The following MIDEAS variants were observed in gnomAD, a reference collection of about 807,000 sequenced individuals.
MIDEAS encodes the protein mitotic deacetylase-associated SANT domain protein.
A neutral mutation model predicts 102.7 loss-of-function variants in MIDEAS; 26 were observed. That is an observed-to-expected ratio of 0.25 (90% CI 0.19 to 0.35). The LOEUF is 0.35. Ranked by LOEUF, MIDEAS falls within the 10% of genes least tolerant of loss-of-function variation. The probability of loss-of-function intolerance (pLI) is 1.00; values close to 1 mark genes in which losing one functional copy is unlikely to be tolerated. For synonymous variants in MIDEAS, 585 were observed against 591.0 expected (o/e 0.99, Z 0.15); for missense variants, 1,231 against 1,435.6 (o/e 0.86, Z 2.30).
chr14:73,780,426 A>G (rs1430433782), intron 1 of MIDEAS, among the ~76,000 whole-genome samples: 2 of 152,242 alleles, frequency 1.3e-5, no homozygotes, highest in East Asian at 3.8e-4. Context: ...AAGTGGCCAT[A>G]GCCGTAACAG....
intron 1 of MIDEAS, among the ~76,000 whole-genome samples, chr14:73,752,808 T>A (rs2053436920): frequency 6.6e-6 from 1 of 152,196 alleles, no homozygotes; most frequent in African/African-American, 2.4e-5. Context: ...CTATGTTGAT[T>A]TATTCTTTAT....
At chr14:73,753,929 C>G in intron 1 of MIDEAS, among the ~76,000 whole-genome samples, 1 of 147,030 alleles carries the variant, frequency 6.8e-6, no homozygotes. Flanking sequence ...AAGGATGAGC[C>G]GCCACCTCCT....
chr14:73,769,740 T>G (rs2053624997), intron 1 of MIDEAS, among the ~76,000 whole-genome samples: 1 of 152,090 alleles, frequency 6.6e-6, no homozygotes, highest in Non-Finnish European at 1.5e-5. Flanking sequence ...TAACTGGGAC[T>G]GTAGGCACGC....
upstream of MIDEAS, chr14:73,790,283 C>G (rs1163792099): frequency 2.0e-5 from 3 of 152,172 alleles, no homozygotes; most frequent in Non-Finnish European, 4.4e-5. Flanking sequence ...CAGGAATCTA[C>G]TTGTGATTGC....
At chr14:73,774,937 G>C (rs1168483620) in intron 1 of MIDEAS, among the ~76,000 whole-genome samples, 1 of 152,050 alleles carries the variant, frequency 6.6e-6, no homozygotes, top group Admixed American at 6.6e-5. Context: ...AGGTGGTGGG[G>C]AGCCAGGCAC....
rs1478024545 is a variant in MIDEAS at position 73,729,974 on chromosome 14, C to A, written c.1761G>T (p.Met587Ile). 6.2e-7 allele frequency: 1 copy of A among 1,601,820 alleles called. No homozygotes were observed. The highest frequency in any genetic ancestry group is 1.1e-5 in the South Asian group (1 of 90,076). ...AAGGCTCCCCCTCCAACTTGACATT[C>A]ATGTCCTCTGCCTGGAGAAGGAAAG... ...GTDAQAQAED[M>I]NVKLEGEPSV... is the part of the protein sequence containing the mutation. Residue 587 changes from methionine (M) to isoleucine (I), a missense_variant, in exon 4 of 13, where the codon ATG becomes ATT. Met to Ile is a conservative substitution (Grantham distance 10). Transcript: ENST00000423556.
intron 1 of MIDEAS, among the ~76,000 whole-genome samples, chr14:73,746,713 CA>C (rs34545428): frequency 0.51 from 77,800 of 152,022 alleles, 22,648 homozygotes; most frequent in East Asian, 0.87. Context: ...TGCCCTGGGC[CA>C]AAGATACAGA....
upstream of MIDEAS, among the ~76,000 whole-genome samples, chr14:73,788,184 G>A (rs1171160579): frequency 6.6e-6 from 1 of 151,506 alleles, no homozygotes; most frequent in Non-Finnish European, 1.5e-5. Flanking sequence ...ATTCGAAACT[G>A]CAGTGAAGGG....
Position 73,725,443 on chromosome 14 carries a change from G to A in MIDEAS, c.2486-83C>T. Reference sequence around the variant, plus strand: ...GCAATTTTGACAAGCAAAAAAGTGTGAGGCCATCCGCCCATGGTTTCTGCA... The same window carrying A: ...GCAATTTTGACAAGCAAAAAAGTGTAAGGCCATCCGCCCATGGTTTCTGCA... On this transcript the variant is annotated intron_variant, in intron 8 of 12. Transcript: ENST00000423556. The surrounding 1 kb of genome is among the most constrained non-coding windows in gnomAD (Gnocchi z 4.1). 1 of 1,130,894 alleles carries A rather than the reference G, an allele frequency of 8.8e-7. No homozygotes were observed. Among genetic ancestry groups the A allele is most frequent in the Non-Finnish European group, 1.3e-6 (1 of 745,336 alleles). 70.1% of individuals were successfully genotyped at this position (1,130,894 alleles called of 1,614,324 possible).
In MIDEAS at chr14:73,715,831, A is replaced by C. The variant is rs1200426600; in HGVS notation, c.*3012T>G. 2 of 152,616 alleles carry C rather than the reference A, an allele frequency of 1.3e-5. No individual in the cohort carries two copies. Among genetic ancestry groups the C allele is most frequent in the Non-Finnish European group, 2.9e-5 (2 of 68,112 alleles). The allele number at this position is 152,616 out of a possible 1,614,324, so 9.5% of individuals were successfully genotyped here. A position where few individuals can be genotyped will look rare whatever the true frequency, so the allele number is the denominator to read the frequency against. On this transcript the variant is annotated 3_prime_UTR_variant, in exon 13 of 13. Transcript: ENST00000423556. The stretch of plus-strand genomic sequence containing the variant: ...GATCCCTTTAGACATAAGCAGCAGA[A>C]GACCTTGGTGCCAGGGGTGGAGGCG...
upstream of MIDEAS, chr14:73,760,426 C>G (rs1887783370): frequency 6.6e-6 from 1 of 152,312 alleles, no homozygotes; most frequent in Admixed American, 6.5e-5. This position sits in a 1 kb window ranked among gnomAD's most constrained non-coding sequence, Gnocchi z 4.8. Context: ...TCCAGCAGAC[C>G]TCACCTCCAC....
At chr14:73,771,878 C>T (rs2053645402) in intron 1 of MIDEAS, among the ~76,000 whole-genome samples, 1 of 152,262 alleles carries the variant, frequency 6.6e-6, no homozygotes, top group African/African-American at 2.4e-5. Flanking sequence ...GGTCAATTAG[C>T]AAAGCACACC....
At chr14:73,758,987 C>T (rs1284032024) in intron 1 of MIDEAS, among the ~76,000 whole-genome samples, 4 of 152,210 alleles carry the variant, frequency 2.6e-5, no homozygotes, top group Non-Finnish European at 5.9e-5. Context: ...GGCCGAATCC[C>T]GGGTTTCGGC....
At chr14:73,780,251 C>T (rs926760924) in intron 1 of MIDEAS, among the ~76,000 whole-genome samples, 6 of 152,102 alleles carry the variant, frequency 3.9e-5, no homozygotes, top group Non-Finnish European at 8.8e-5. Flanking sequence ...TCAAATTATA[C>T]TCTCCCAGTG....
intron 1 of MIDEAS, among the ~76,000 whole-genome samples, chr14:73,743,696 C>A (rs577677394): frequency 1.3e-5 from 2 of 152,268 alleles, no homozygotes; most frequent in African/African-American, 4.8e-5. Context: ...GGGCCTAGTC[C>A]CTGAGATTGC....
chr14:73,757,146 C>T (rs896386569), intron 1 of MIDEAS, among the ~76,000 whole-genome samples: 1 of 151,634 alleles, frequency 6.6e-6, no homozygotes, highest in Non-Finnish European at 1.5e-5. Context: ...GTGATGTGTA[C>T]CCGTAGTCCC....
chr14:73,744,051 A>G (rs1035176264), intron 1 of MIDEAS, among the ~76,000 whole-genome samples: 88 of 142,746 alleles, frequency 6.2e-4, no homozygotes, highest in African/African-American at 2.5e-3. Flanking sequence ...AGTGTGCACC[A>G]GGAAAAAAAA....
Position 73,717,860 on chromosome 14 carries a change from T to G in MIDEAS, c.*983A>C, listed in dbSNP as rs2052915429. 1 of 152,462 alleles carries G rather than the reference T, an allele frequency of 6.6e-6. No homozygotes were observed. Among genetic ancestry groups the G allele is most frequent in the African/African-American group, 2.4e-5 (1 of 41,438 alleles). 9.4% of individuals were successfully genotyped at this position (152,462 alleles called of 1,614,324 possible). A position where few individuals can be genotyped will look rare whatever the true frequency, so the allele number is the denominator to read the frequency against. On this transcript the variant is annotated 3_prime_UTR_variant, in exon 13 of 13. Transcript: ENST00000423556. ...AAGTGCAGGCCTGGGGGCTGGGTTG[T>G]GGATATCGACACTGGGTAGGGTGCG...
chr14:73,757,760 A>G (rs1241291287), intron 1 of MIDEAS, among the ~76,000 whole-genome samples: 2 of 152,244 alleles, frequency 1.3e-5, no homozygotes, highest in Non-Finnish European at 2.9e-5. Flanking sequence ...GACTCTAGAC[A>G]CAGGAGGCCC....
Sources: allele counts gnomAD v4.1 joint callset (sites outside exome capture counted in the v4.1 genomes callset), GRCh38; gene constraint gnomAD v4.1.1; non-coding constraint Gnocchi (gnomAD v3.1); transcripts MANE v1.5; gene names NCBI Gene and HGNC (gene_info 2026-07-23, HGNC 2026-07-21).